Variants in NSUN3 observed in about 807,000 individuals in gnomAD.
NSUN3 encodes tRNA (cytosine(34)-C(5))-methyltransferase, mitochondrial.
NSUN3 carries 24 observed loss-of-function variants against 36.8 expected under a neutral mutation model. The observed-to-expected ratio is 0.65, with a 90% CI of 0.47 to 0.92. NSUN3 has a LOEUF of 0.92. Among genes scored for constraint, NSUN3 ranks in the 40% least tolerant of loss-of-function variants. The pLI is 0.00. For synonymous variants in NSUN3, 146 were observed against 145.2 expected (o/e 1.01, Z -0.04); for missense variants, 381 against 392.8 (o/e 0.97, Z 0.25).
At chr3:94,077,832 CTTCT>C (rs1362337499) in intron 2 of NSUN3, among the ~76,000 whole-genome samples, 1 of 152,024 alleles carries the variant, frequency 6.6e-6, no homozygotes, top group Non-Finnish European at 1.5e-5. Context: ...TCTCTCTTTT[CTTCT>C]TTATTAGTCT....
chr3:94,109,463 G>A (rs1231391426), intron 5 of NSUN3, among the ~76,000 whole-genome samples: 3 of 152,200 alleles, frequency 2.0e-5, no homozygotes, highest in Non-Finnish European at 4.4e-5. Flanking sequence ...TAAGGGAGCT[G>A]TTTAAGTAGT....
rs757751676 is a variant in NSUN3 at position 94,084,244 on chromosome 3, A to G, written c.260A>G (p.Lys87Arg). 1.1e-5 allele frequency: 17 copies of G among 1,614,104 alleles called. 1 individual carries two copies. Among genetic ancestry groups the G allele is most frequent in the Non-Finnish European group, 4.2e-6 (5 of 1,180,006 alleles). Reference protein sequence around the residue: ...LSQGSLPNYPKSVKCYLSRTP... With the variant: ...LSQGSLPNYPRSVKCYLSRTP... ...CAGGGATCTTTACCCAACTATCCTA[A>G]ATCAGTGAAGTGTTACCTTAGCAGA... Residue 87 changes from lysine (K) to arginine (R), a missense_variant, in exon 3 of 6, where the codon AAA becomes AGA. Coordinates refer to ENST00000314622, the MANE Select transcript of NSUN3 (RefSeq NM_022072.5).
chr3:94,117,251 T>C (rs2107271186), intron 5 of NSUN3, among the ~76,000 whole-genome samples: 1 of 152,136 alleles, frequency 6.6e-6, no homozygotes, highest in Non-Finnish European at 1.5e-5. Context: ...CTGTCCCCTT[T>C]GGCCTCCCAA....
chr3:94,110,398 T>TCAGTGATAGGAAGTTATCA (rs1386880079), intron 5 of NSUN3, among the ~76,000 whole-genome samples: 11 of 152,086 alleles, frequency 7.2e-5, no homozygotes, highest in South Asian at 2.1e-4. Context: ...GTGATAACTT[T>TCAGTGATAGGAAGTTATCA]GGGTTACAAA....
rs1436157770 is a variant in NSUN3, at chr3:94,129,006, G to A, written c.*2516G>A. ...GTCAATAAAATAAAAAATAACAGAC[G>A]CTGATGAGGCTGTGGAGAAAAGGAA... On this transcript the variant is annotated 3_prime_UTR_variant, in exon 6 of 6. Coordinates refer to ENST00000314622, the MANE Select transcript of NSUN3 (RefSeq NM_022072.5). 1.3e-5 allele frequency among the ~76,000 whole-genome samples: 2 copies of A among 152,100 alleles called. No homozygotes were observed. Among genetic ancestry groups the A allele is most frequent in the Non-Finnish European group, 2.9e-5 (2 of 68,018 alleles).
At chr3:94,074,978 C>G (rs1325306554) in intron 2 of NSUN3, among the ~76,000 whole-genome samples, 1 of 152,022 alleles carries the variant, frequency 6.6e-6, no homozygotes, top group African/African-American at 2.4e-5. Context: ...AGATATGATC[C>G]ATCGATACCT....
intron 5 of NSUN3, among the ~76,000 whole-genome samples, chr3:94,103,682 A>G (rs1306201863): frequency 4.6e-5 from 7 of 152,168 alleles, no homozygotes; most frequent in Admixed American, 4.6e-4. Context: ...TCAATTATTC[A>G]ATAGTCTTTG....
At chr3:94,109,789 ATG>A (rs1387259503) in intron 5 of NSUN3, among the ~76,000 whole-genome samples, 1 of 152,166 alleles carries the variant, frequency 6.6e-6, no homozygotes, top group Non-Finnish European at 1.5e-5. Flanking sequence ...GTAACAATAT[ATG>A]TGTACACTAA....
intron 5 of NSUN3, among the ~76,000 whole-genome samples, chr3:94,105,885 T>C (rs2077386770): frequency 6.6e-6 from 1 of 151,520 alleles, no homozygotes; most frequent in Admixed American, 6.6e-5. Flanking sequence ...GGCTTTTCTT[T>C]TTTTTTTTTC....
intron 2 of NSUN3, among the ~76,000 whole-genome samples, chr3:94,073,408 C>T (rs996327553): frequency 6.6e-6 from 1 of 152,218 alleles, no homozygotes; most frequent in African/African-American, 2.4e-5. Flanking sequence ...AACTAATTTA[C>T]ACTCCCACCA....
intron 2 of NSUN3, among the ~76,000 whole-genome samples, chr3:94,075,692 G>C (rs2077242725): frequency 6.6e-6 from 1 of 151,306 alleles, no homozygotes. Context: ...AATTCCTGAA[G>C]AAAATTTCAA....
intron 5 of NSUN3, among the ~76,000 whole-genome samples, chr3:94,096,875 T>C (rs1435408365): frequency 6.6e-6 from 1 of 152,208 alleles, no homozygotes; most frequent in Non-Finnish European, 1.5e-5. Flanking sequence ...TACCAAATCT[T>C]GTGATGGCTT....
At chr3:94,115,769 A>G (rs1453248739) in intron 5 of NSUN3, among the ~76,000 whole-genome samples, 1 of 152,338 alleles carries the variant, frequency 6.6e-6, no homozygotes, top group East Asian at 1.9e-4. Context: ...CCCTCCCATC[A>G]GAATGCCAAA....
intron 2 of NSUN3, chr3:94,076,178 C>G: frequency 9.7e-6 from 10 of 1,032,878 alleles, no homozygotes; most frequent in Non-Finnish European, 1.5e-5. Context: ...ATCAGTACCA[C>G]TGGAAGCCAA....
rs569055095 is a variant in NSUN3 at position 94,078,029 on chromosome 3, G to A, written c.123-6078G>A. Among the ~76,000 whole-genome samples the A allele has an allele frequency of 1.2e-3, 179 of 152,260 alleles. 1 individual carries two copies. The highest frequency in any genetic ancestry group is 1.9e-3 in the Non-Finnish European group (130 of 68,016). On this transcript the variant is annotated intron_variant, in intron 2 of 5. Transcript: ENST00000314622. ...CTTCTCTAGTTCTTTTAATTTTGAT[G>A]TTAGGTTGTCAATTTTAGATCTTTC...
At chr3:94,067,534 TA>T (rs899731062) in intron 2 of NSUN3, among the ~76,000 whole-genome samples, 1 of 152,108 alleles carries the variant, frequency 6.6e-6, no homozygotes, top group Non-Finnish European at 1.5e-5. Flanking sequence ...TGGATCTTTT[TA>T]AAAAAATTCT....
chr3:94,084,516 A>C, intron 3 of NSUN3, 66 bp downstream of exon 3: 1 of 1,231,510 alleles, frequency 8.1e-7, no homozygotes, highest in Admixed American at 2.3e-5. Context: ...GAATTCTGAA[A>C]GTATATATGG....
At chr3:94,106,115 A>G (rs1375900030) in intron 5 of NSUN3, among the ~76,000 whole-genome samples, 2 of 152,200 alleles carry the variant, frequency 1.3e-5, no homozygotes, top group Non-Finnish European at 2.9e-5. Flanking sequence ...TGAAGTCTCC[A>G]AATGGAAACC....
At chr3:94,104,712 C>A (rs2077378789) in intron 5 of NSUN3, among the ~76,000 whole-genome samples, 1 of 152,104 alleles carries the variant, frequency 6.6e-6, no homozygotes, top group African/African-American at 2.4e-5. Context: ...CAAATAATTA[C>A]ATTTATTTTA....
Sources: gnomAD v4.1 joint callset for allele counts (sites outside exome capture counted in the v4.1 genomes callset) on GRCh38, gnomAD v4.1.1 for gene constraint, MANE v1.5 for transcripts, NCBI Gene and HGNC (gene_info 2026-07-23, HGNC 2026-07-21) for gene names.